Variants in RARB observed in about 807,000 individuals in gnomAD.
RARB encodes the protein HBV-activated protein.
RARB carries 17 observed loss-of-function variants against 51.9 expected under a neutral mutation model. The ratio of observed to expected loss-of-function variants is 0.33; its 90% CI spans 0.22 to 0.49. The LOEUF (loss-of-function observed/expected upper bound fraction) is 0.49, where lower values mean the gene tolerates loss of function less well. RARB is among the 20% of genes least tolerant of loss of function. RARB has a pLI of 0.99. For missense variants in RARB, 369 were observed against 550.8 expected (o/e 0.67, Z 3.30); for synonymous variants, 215 against 195.4 (o/e 1.10, Z -0.84).
Position 25,055,190 on chromosome 3 carries a change from G to A in RARB, c.-379-4935G>A, listed in dbSNP as rs147972196. Among the ~76,000 whole-genome samples, 87 of 152,192 alleles carry A rather than the reference G, an allele frequency of 5.7e-4. 1 individual carries two copies. In the East Asian group the frequency reaches 0.01, roughly 18 times the overall value. On this transcript the variant is annotated intron_variant, in intron 2 of 11. Coordinates refer to the RARB transcript ENST00000383772. ...AATTTAAAATACACAACCATGTCAC[G>A]GTTTGGGATTTGTATTTGTAAATTA...
At chr3:25,163,967 T>A (rs1349038879) in intron 4 of RARB, among the ~76,000 whole-genome samples, 1 of 152,066 alleles carries the variant, frequency 6.6e-6, no homozygotes, top group African/African-American at 2.4e-5. Flanking sequence ...GTATGCAAAA[T>A]GGGTACTGAT....
chr3:24,923,725 G>A (rs542632403), intron 2 of RARB, among the ~76,000 whole-genome samples: 1 of 152,160 alleles, frequency 6.6e-6, no homozygotes, highest in Non-Finnish European at 1.5e-5. Flanking sequence ...TATTAGGAAG[G>A]CTTGTGAACA....
intron 5 of RARB, chr3:25,174,591 A>G: frequency 1.5e-6 from 2 of 1,351,830 alleles, no homozygotes; most frequent in African/African-American, 1.5e-5. Context: ...TCCTGCTGGA[A>G]TTTGCTCTCT....
chr3:24,933,572 G>A lies in RARB; in HGVS notation c.-380+74820G>A, dbSNP rs1273842020. On this transcript the variant is annotated intron_variant, in intron 2 of 11. Transcript: ENST00000383772. ...GAGACGCAGTAAGGGCTTATGGGCA[G>A]AGCAAATGAGGACTCTACAGCTAAG... Among the ~76,000 whole-genome samples, 5 of 152,200 alleles carry A rather than the reference G, an allele frequency of 3.3e-5. No homozygotes were observed. The East Asian group carries it at 9.7e-4, about 29-fold the overall frequency.
chr3:25,215,263 T>C (rs1701803085), intron 5 of RARB, among the ~76,000 whole-genome samples: 1 of 152,220 alleles, frequency 6.6e-6, no homozygotes. Context: ...AGATGAAATG[T>C]CTTTGTAGAC....
At chr3:24,834,264 A>G (rs190844118) in intron 1 of RARB, among the ~76,000 whole-genome samples, 106 of 152,366 alleles carry the variant, frequency 7.0e-4, no homozygotes, top group Middle Eastern at 6.8e-3. Flanking sequence ...TGTTAATTTT[A>G]GGAAAATGAA....
At chr3:25,020,534 A>G (rs1008677741) in intron 2 of RARB, 1 of 152,088 alleles carries the variant, frequency 6.6e-6, no homozygotes, top group Non-Finnish European at 1.5e-5. Context: ...GGAGAAAGCA[A>G]ATTCGTCTAA....
chr3:25,305,309 T>C (rs571510806), intron 5 of RARB, among the ~76,000 whole-genome samples: 1 of 152,248 alleles, frequency 6.6e-6, no homozygotes, highest in South Asian at 2.1e-4. Flanking sequence ...CTGCATTAAT[T>C]AGGTAAACCC....
chr3:25,294,958 T>A (rs1041605908), intron 5 of RARB, among the ~76,000 whole-genome samples: 5 of 152,172 alleles, frequency 3.3e-5, no homozygotes, highest in Non-Finnish European at 5.9e-5. Flanking sequence ...AGCCCTTTAC[T>A]ATGTGATTAG....
intron 5 of RARB, among the ~76,000 whole-genome samples, chr3:25,248,181 T>C (rs1252342941): frequency 6.6e-6 from 1 of 152,214 alleles, no homozygotes; most frequent in Non-Finnish European, 1.5e-5. Context: ...TTTTATGAAG[T>C]ATAGCTACTC....
At chr3:25,511,553 A>G (rs1697898066) in intron 3 of RARB, among the ~76,000 whole-genome samples, 1 of 152,244 alleles carries the variant, frequency 6.6e-6, no homozygotes, top group South Asian at 2.1e-4. Flanking sequence ...ATTGAGACAG[A>G]AATCGTTAAG....
intron 2 of RARB, among the ~76,000 whole-genome samples, chr3:25,472,362 C>T (rs1312074208): frequency 2.6e-5 from 4 of 152,196 alleles, no homozygotes; most frequent in Non-Finnish European, 5.9e-5. Flanking sequence ...AATGGCATAC[C>T]TCATTGGCTA....
At chr3:25,091,528 A>G (rs970703220) in intron 3 of RARB, among the ~76,000 whole-genome samples, 5 of 152,140 alleles carry the variant, frequency 3.3e-5, no homozygotes, top group African/African-American at 1.2e-4. Flanking sequence ...TCTGTTTCAC[A>G]TGGGGTAGAT....
chr3:25,519,714 TTG>T (rs1216494086), intron 3 of RARB, among the ~76,000 whole-genome samples: 3 of 152,156 alleles, frequency 2.0e-5, no homozygotes, highest in African/African-American at 7.2e-5. Context: ...GCACATTTGT[TTG>T]TGTGATTAAA....
chr3:25,225,910 T>G (rs888934244), intron 5 of RARB, among the ~76,000 whole-genome samples: 3 of 152,220 alleles, frequency 2.0e-5, no homozygotes, highest in African/African-American at 7.2e-5. Flanking sequence ...ATTTTTGCGT[T>G]GCAAAGTTTG....
At chr3:25,444,933 G>A (rs990853655) in intron 1 of RARB, among the ~76,000 whole-genome samples, 1 of 151,918 alleles carries the variant, frequency 6.6e-6, no homozygotes, top group African/African-American at 2.4e-5. Context: ...CTGGAGAAAT[G>A]AATGAACACC....
chr3:25,219,225 C>G (rs747482182), intron 5 of RARB, among the ~76,000 whole-genome samples: 1 of 151,088 alleles, frequency 6.6e-6, no homozygotes, highest in Non-Finnish European at 1.5e-5. Flanking sequence ...TAATGATCCT[C>G]TCTCTTGAAA....
chr3:25,256,223 T>C (rs371594787), intron 5 of RARB, among the ~76,000 whole-genome samples: 76 of 152,240 alleles, frequency 5.0e-4, no homozygotes, highest in African/African-American at 1.7e-3. Context: ...GAACCAATAT[T>C]CCACTGAAAA....
At chr3:25,036,151 A>G (rs1575129549) in intron 2 of RARB, among the ~76,000 whole-genome samples, 1 of 152,154 alleles carries the variant, frequency 6.6e-6, no homozygotes, top group East Asian at 1.9e-4. Context: ...AAACACTTGA[A>G]ATCCCCAGCC....
Sources: gnomAD v4.1 joint callset for allele counts (sites outside exome capture counted in the v4.1 genomes callset) on GRCh38, gnomAD v4.1.1 for gene constraint, MANE v1.5 for transcripts, NCBI Gene and HGNC (gene_info 2026-07-23, HGNC 2026-07-21) for gene names.